The following FCRL2 variants were observed in gnomAD, a reference collection of about 807,000 sequenced individuals.
FCRL2 encodes the protein Fc receptor like 2.
FCRL2 carries 48 observed loss-of-function variants against 59.8 expected under a neutral mutation model. That is an observed-to-expected ratio of 0.80 (90% confidence interval 0.64 to 1.02). The LOEUF is 1.02. Ranked by LOEUF, FCRL2 falls within the 50% of genes least tolerant of loss-of-function variation. The probability of loss-of-function intolerance (pLI) is 0.00; values close to 1 mark genes in which losing one functional copy is unlikely to be tolerated. For missense variants in FCRL2, 658 were observed against 597.3 expected, an observed-to-expected ratio of 1.10 and a Z score of -1.06; for synonymous variants, 251 against 229.5, an observed-to-expected ratio of 1.09 and a Z score of -0.85.
chr1:157,749,227 C>A (rs1175042126), intron 8 of FCRL2, among the ~76,000 whole-genome samples: 1 of 152,022 alleles, frequency 6.6e-6, no homozygotes, highest in East Asian at 1.9e-4. Context: ...ACTTTGCCTG[C>A]CTTTTTCTCA....
intron 2 of FCRL2, among the ~76,000 whole-genome samples, chr1:157,771,312 C>T (rs1209084647): frequency 6.6e-6 from 1 of 152,188 alleles, no homozygotes; most frequent in Non-Finnish European, 1.5e-5. Context: ...CCTTAGCGGG[C>T]ACTTTATTTT....
chr1:157,765,521 A>G (rs549318078), intron 7 of FCRL2, among the ~76,000 whole-genome samples: 39 of 152,358 alleles, frequency 2.6e-4, no homozygotes, highest in Admixed American at 2.0e-3. Flanking sequence ...ATCCCTGATG[A>G]ACACAGACAC....
chr1:157,749,033 G>A (rs1484951171), intron 8 of FCRL2, 73 bp from the exon 9 acceptor site: 4 of 1,336,204 alleles, frequency 3.0e-6, no homozygotes, highest in Non-Finnish European at 3.2e-6. Flanking sequence ...ACTGGCTGAG[G>A]AGAGAGCAGG....
Position 157,774,736 on chromosome 1 carries a change from G to A in FCRL2, c.52+1039C>T, listed in dbSNP as rs140480046. On this transcript the variant is annotated intron_variant, in intron 2 of 11. Coordinates refer to ENST00000361516, the MANE Select transcript of FCRL2 (RefSeq NM_030764.4). The stretch of plus-strand genomic sequence containing the variant: ...GGACCTTATGTGGGACAGAATGAAT[G>A]CAAGAGACCAGACTTGCTCCTGAGC... Among the ~76,000 whole-genome samples the A allele has an allele frequency of 8.2e-3, 1,253 of 152,314 alleles. 5 individuals are homozygous for A. Among genetic ancestry groups the A allele is most frequent in the Non-Finnish European group, 0.011 (754 of 68,026 alleles).
intron 7 of FCRL2, among the ~76,000 whole-genome samples, chr1:157,763,948 T>C (rs1649297997): frequency 6.9e-6 from 1 of 145,106 alleles, no homozygotes; most frequent in Non-Finnish European, 1.5e-5. Flanking sequence ...GAGGATGGAG[T>C]GAACTCGGGA....
rs772605892 is a variant in FCRL2, at chr1:157,746,750, C to T, written c.1513G>A (p.Val505Met). The change falls in exon 12 of 12, where the codon GTG becomes ATG. Residue 505 changes from valine to methionine, a missense_variant. Val to Met is a conservative substitution (Grantham distance 21). Coordinates refer to ENST00000361516, the MANE Select transcript of FCRL2 (RefSeq NM_030764.4). Reference sequence around the variant, plus strand: ...TCCTCCAAGTGTTATGATTTCTTCACAGAAGAGTAGATGACTTGGGAGTCC... The same window carrying T: ...TCCTCCAAGTGTTATGATTTCTTCATAGAAGAGTAGATGACTTGGGAGTCC... ...NKDSQVIYSSVKKS is the reference protein window; with the variant it reads ...NKDSQVIYSSMKKS 1.9e-6 allele frequency: 3 copies of T among 1,613,844 alleles called. No homozygotes were observed. The East Asian group carries it at 6.7e-5, about 36-fold the overall frequency.
At chr1:157,749,781 A>G (rs1648042024) in intron 7 of FCRL2, 104 bp from the exon 8 acceptor site, 1 of 768,676 alleles carries the variant, frequency 1.3e-6, no homozygotes, top group South Asian at 1.9e-5. Flanking sequence ...GACATAAGAT[A>G]TAGAAGAGTA....
intron 7 of FCRL2, among the ~76,000 whole-genome samples, chr1:157,758,421 A>T (rs954751281): frequency 2.0e-4 from 30 of 152,188 alleles, no homozygotes; most frequent in African/African-American, 6.8e-4. Context: ...ACTAACCAAC[A>T]AGGTGAAAGA....
chr1:157,759,293 C>G (rs1343150054), intron 7 of FCRL2, among the ~76,000 whole-genome samples: 2 of 152,094 alleles, frequency 1.3e-5, no homozygotes, highest in African/African-American at 2.4e-5. Flanking sequence ...TGTAAATTAC[C>G]CAGTCTTGAG....
chr1:157,769,789 A>G (rs927998210), intron 4 of FCRL2, 77 bp downstream of exon 4: 4 of 1,506,422 alleles, frequency 2.7e-6, no homozygotes, highest in Admixed American at 2.0e-5. Context: ...TTGAACAAAG[A>G]AACAGACTAG....
At chr1:157,774,551 C>A in intron 2 of FCRL2, 1 of 444,658 alleles carries the variant, frequency 2.2e-6, no homozygotes, top group South Asian at 1.6e-5. Context: ...GTGGCTGTTG[C>A]CCTGTTCTCT....
intron 7 of FCRL2, among the ~76,000 whole-genome samples, chr1:157,752,967 A>T (rs886147111): frequency 3.3e-5 from 5 of 152,182 alleles, no homozygotes; most frequent in African/African-American, 1.2e-4. Flanking sequence ...CATAGTCATG[A>T]TGGGAACAAC....
In FCRL2 at chr1:157,748,885, C is replaced by T; in HGVS notation, c.1383G>A (p.Val461=). The T allele has an allele frequency of 6.2e-7, 1 of 1,613,690 alleles. No homozygotes were observed. The highest frequency in any genetic ancestry group is 8.5e-7 in the Non-Finnish European group (1 of 1,179,826). Residue 461 remains valine (V), a synonymous_variant, in exon 9 of 12, where the codon GTG becomes GTA. Transcript: ENST00000361516. ...AGTGGAGACACTCACCATTGACATACACTGGCTGCAGCTCCTCCATGTCTG... is the reference window on the plus strand; with the variant it reads ...AGTGGAGACACTCACCATTGACATATACTGGCTGCAGCTCCTCCATGTCTG... The part of the protein sequence containing the change: ...PTPDMEELQP[V]YVNVGSVDVD...
chr1:157,766,632 T>C (rs1405286273), intron 7 of FCRL2: 11 of 580,772 alleles, frequency 1.9e-5, no homozygotes, highest in Non-Finnish European at 2.8e-5. Flanking sequence ...GTGTAAATAA[T>C]TTAATCTCCA....
At chr1:157,774,098 A>G (rs1650230528) in intron 2 of FCRL2, among the ~76,000 whole-genome samples, 1 of 152,262 alleles carries the variant, frequency 6.6e-6, no homozygotes, top group Non-Finnish European at 1.5e-5. Context: ...CAACAGCAAA[A>G]ACTAAAAGCA....
intron 7 of FCRL2, among the ~76,000 whole-genome samples, chr1:157,760,723 G>T (rs200687804): frequency 0.011 from 1,604 of 142,428 alleles, 24 homozygotes; most frequent in African/African-American, 0.029. Context: ...AAGAAAGAAA[G>T]AAAGAAAGAA....
intron 7 of FCRL2, among the ~76,000 whole-genome samples, chr1:157,752,525 G>A (rs1374923494): frequency 6.6e-6 from 1 of 152,218 alleles, no homozygotes; most frequent in African/African-American, 2.4e-5. Flanking sequence ...CAAGGAGTAA[G>A]TGGATAGACT....
chr1:157,758,181 T>C (rs1336088338), intron 7 of FCRL2, among the ~76,000 whole-genome samples: 1 of 151,700 alleles, frequency 6.6e-6, no homozygotes, highest in African/African-American at 2.4e-5. Flanking sequence ...CAGAACAGAG[T>C]TGGTTACCCA....
intron 7 of FCRL2, among the ~76,000 whole-genome samples, chr1:157,757,551 C>T (rs12058697): frequency 0.018 from 2,704 of 152,184 alleles, 70 homozygotes; most frequent in African/African-American, 0.061. Context: ...AAGAAGAATT[C>T]GTGTGAGCAC....
Sources: allele counts gnomAD v4.1 joint callset (sites outside exome capture counted in the v4.1 genomes callset), GRCh38; gene constraint gnomAD v4.1.1; transcripts MANE v1.5; gene names NCBI Gene and HGNC (gene_info 2026-07-23, HGNC 2026-07-21).